Variants in PREX1 observed in about 807,000 individuals in gnomAD.
PREX1 encodes the protein phosphatidylinositol 3,4,5-trisphosphate-dependent Rac exchanger 1 protein.
A neutral mutation model predicts 198.3 loss-of-function variants in PREX1; 41 were observed. The ratio of observed to expected loss-of-function variants is 0.21; its 90% CI spans 0.16 to 0.27. The LOEUF (loss-of-function observed/expected upper bound fraction) is 0.27. Among genes scored for constraint, PREX1 ranks in the 10% least tolerant of loss-of-function variants. The probability of loss-of-function intolerance (pLI) is 1.00; values close to 1 mark genes in which losing one functional copy is unlikely to be tolerated. For synonymous variants in PREX1, 843 were observed against 887.2 expected, an observed-to-expected ratio of 0.95 and a Z score of 0.89; for missense variants, 1,620 against 2,200.7, an observed-to-expected ratio of 0.74 and a Z score of 5.28.
intron 7 of PREX1, among the ~76,000 whole-genome samples, chr20:48,694,190 G>T (rs560365787): frequency 3.4e-4 from 52 of 152,266 alleles, no homozygotes; most frequent in Admixed American, 6.5e-4. Context: ...GGGATTACAG[G>T]TATGAGCCAC....
chr20:48,780,717 G>C (rs1356607348), intron 1 of PREX1, among the ~76,000 whole-genome samples: 1 of 152,152 alleles, frequency 6.6e-6, no homozygotes, highest in Non-Finnish European at 1.5e-5. Flanking sequence ...GCCACGACTG[G>C]AAGACCACAG....
rs773229108 is a variant in PREX1 at position 48,625,817 on chromosome 20, C to T, written c.*68G>A. The T allele has an allele frequency of 3.5e-5, 51 of 1,472,134 alleles. No homozygotes were observed. Among genetic ancestry groups the T allele is most frequent in the South Asian group, 6.3e-5 (5 of 79,392 alleles). 91.2% of individuals were successfully genotyped at this position (1,472,134 alleles called of 1,614,324 possible). On this transcript the variant is annotated 3_prime_UTR_variant, in exon 40 of 40. Coordinates refer to ENST00000371941, the MANE Select transcript of PREX1 (RefSeq NM_020820.4). ...TTGGGCCATCCCTGGAGAAGGCCAG[C>T]GCTGCCTGCTGTGTCCTCCCAAATC... is the stretch of plus-strand genomic sequence containing the variant.
At chr20:48,780,091 A>G (rs2090281528) in intron 1 of PREX1, among the ~76,000 whole-genome samples, 1 of 152,238 alleles carries the variant, frequency 6.6e-6, no homozygotes, top group Admixed American at 6.5e-5. Flanking sequence ...ATATGTGCAG[A>G]TAGAAAGATA....
At chr20:48,661,564 C>T (rs542519534) in intron 15 of PREX1, among the ~76,000 whole-genome samples, 2 of 138,090 alleles carry the variant, frequency 1.4e-5, no homozygotes, top group East Asian at 4.3e-4. Flanking sequence ...TATACACACA[C>T]ACACACACAC....
At chr20:48,781,920 A>T (rs2090291623) in intron 1 of PREX1, among the ~76,000 whole-genome samples, 1 of 152,236 alleles carries the variant, frequency 6.6e-6, no homozygotes, top group African/African-American at 2.4e-5. Context: ...TTCAAACCAC[A>T]GCAACATGTT....
intron 1 of PREX1, among the ~76,000 whole-genome samples, chr20:48,749,555 A>G (rs1251434549): frequency 6.6e-6 from 1 of 152,206 alleles, no homozygotes; most frequent in Non-Finnish European, 1.5e-5. Flanking sequence ...AGCCCTCTGC[A>G]CAAGGCTGTC....
At chr20:48,658,055 G>T in intron 17 of PREX1, 81 bp downstream of exon 17, 1 of 1,336,716 alleles carries the variant, frequency 7.5e-7, no homozygotes, top group Non-Finnish European at 1.0e-6. Context: ...TCCTGGGCTG[G>T]GCTGCCTCAA....
chr20:48,766,349 C>T (rs192339424), intron 1 of PREX1, among the ~76,000 whole-genome samples: 2 of 152,246 alleles, frequency 1.3e-5, no homozygotes, highest in South Asian at 2.1e-4. Flanking sequence ...ACAAAGGGAT[C>T]GTCACAAAAG....
At chr20:48,863,325 G>A in the PREX1 span, among the ~76,000 whole-genome samples, 1 of 152,080 alleles carries the variant, frequency 6.6e-6, no homozygotes, top group Non-Finnish European at 1.5e-5. Context: ...TTATATTAGA[G>A]TTGACTGTGT....
At chr20:48,851,705 C>T in the PREX1 span, among the ~76,000 whole-genome samples, 3 of 152,070 alleles carry the variant, frequency 2.0e-5, no homozygotes, top group East Asian at 1.9e-4. Context: ...CATTTGTCCC[C>T]GCCTTCCTGA....
At chr20:48,807,039 G>A (rs1315074399) in intron 1 of PREX1, among the ~76,000 whole-genome samples, 1 of 152,234 alleles carries the variant, frequency 6.6e-6, no homozygotes, top group African/African-American at 2.4e-5. Flanking sequence ...GCTGAAGATG[G>A]AGGTGAGCCA....
At chr20:48,647,248 C>T (rs531525972) in intron 25 of PREX1, among the ~76,000 whole-genome samples, 2 of 152,166 alleles carry the variant, frequency 1.3e-5, no homozygotes, top group South Asian at 2.1e-4. Context: ...CTCTGCTAGG[C>T]GTGGTGGCTC....
chr20:48,869,973 C>T, the PREX1 span, among the ~76,000 whole-genome samples: 1 of 152,120 alleles, frequency 6.6e-6, no homozygotes, highest in Admixed American at 6.5e-5. Context: ...AACAAACCTG[C>T]AAACTCTGCA....
At chr20:48,825,149 G>A (rs556389796) in intron 1 of PREX1, among the ~76,000 whole-genome samples, 3 of 152,304 alleles carry the variant, frequency 2.0e-5, no homozygotes, top group African/African-American at 4.8e-5. Flanking sequence ...TTTTGAAAAC[G>A]AAAATGCCTT....
intron 18 of PREX1, 31 bp from the exon 19 acceptor site, chr20:48,655,406 G>A (rs1298667445): frequency 2.1e-6 from 3 of 1,449,680 alleles, no homozygotes; most frequent in Non-Finnish European, 2.8e-6. Flanking sequence ...AGGGAAAAAG[G>A]CCATGAGGAA....
At chr20:48,798,363 G>A (rs1162161999) in intron 1 of PREX1, among the ~76,000 whole-genome samples, 2 of 152,150 alleles carry the variant, frequency 1.3e-5, no homozygotes, top group East Asian at 1.9e-4. Context: ...CTACGGTCCA[G>A]CCTCCATACC....
the PREX1 span, among the ~76,000 whole-genome samples, chr20:48,867,617 C>T: frequency 2.0e-5 from 3 of 152,056 alleles, no homozygotes; most frequent in South Asian, 2.1e-4. Flanking sequence ...GTGGCATGCA[C>T]CTGTAATCCC....
the PREX1 span, among the ~76,000 whole-genome samples, chr20:48,872,817 C>T: frequency 2.6e-5 from 4 of 152,104 alleles, no homozygotes; most frequent in African/African-American, 9.7e-5. Context: ...GAAGGACAAC[C>T]TGTTCAAACA....
At chr20:48,813,331 C>T (rs6019436) in intron 1 of PREX1, among the ~76,000 whole-genome samples, 32,210 of 152,176 alleles carry the variant, frequency 0.21, 3,603 homozygotes, top group Admixed American at 0.25. Flanking sequence ...AGTGGAGACT[C>T]TCTACTGAGG....
Sources: gnomAD v4.1 joint callset for allele counts (sites outside exome capture counted in the v4.1 genomes callset) on GRCh38, gnomAD v4.1.1 for gene constraint, MANE v1.5 for transcripts, NCBI Gene and HGNC (gene_info 2026-07-23, HGNC 2026-07-21) for gene names.